Variants in LIN54 observed in about 807,000 individuals in gnomAD.
LIN54 encodes lin-54 DREAM MuvB core complex component.
A neutral mutation model predicts 78.7 loss-of-function variants in LIN54; 9 were observed. That is an observed-to-expected ratio of 0.11 (90% CI 0.07 to 0.20). The LOEUF (loss-of-function observed/expected upper bound fraction) is 0.20, where lower values mean the gene tolerates loss of function less well. Among genes scored for constraint, LIN54 ranks in the 10% least tolerant of loss-of-function variants. The probability of loss-of-function intolerance (pLI) is 1.00; values close to 1 mark genes in which losing one functional copy is unlikely to be tolerated. For missense variants in LIN54, 573 were observed against 889.9 expected (o/e 0.64, Z 4.53); for synonymous variants, 269 against 318.4 (o/e 0.84, Z 1.65).
intron 1 of LIN54, among the ~76,000 whole-genome samples, chr4:83,002,309 G>A (rs940661702): frequency 6.6e-6 from 1 of 151,674 alleles, no homozygotes; most frequent in Non-Finnish European, 1.5e-5. Flanking sequence ...ACTGAGGCAT[G>A]AGGATCGCCT....
At chr4:82,947,815 A>T (rs1225039476) in intron 4 of LIN54, among the ~76,000 whole-genome samples, 1 of 152,172 alleles carries the variant, frequency 6.6e-6, no homozygotes, top group Non-Finnish European at 1.5e-5. Context: ...CACCTACTCT[A>T]TAAAAAGCTC....
intron 3 of LIN54, among the ~76,000 whole-genome samples, chr4:82,974,794 G>A (rs965570411): frequency 6.6e-6 from 1 of 151,574 alleles, no homozygotes; most frequent in Non-Finnish European, 1.5e-5. Flanking sequence ...GGGAGGCACA[G>A]GTTGCAGTGA....
chr4:82,943,327 CCTT>C (rs145549202), intron 5 of LIN54, among the ~76,000 whole-genome samples: 1 of 152,182 alleles, frequency 6.6e-6, no homozygotes, highest in African/African-American at 2.4e-5. Context: ...TTTCCTGAGT[CCTT>C]CTACTATTCT....
chr4:82,994,660 G>A (rs536115804), intron 1 of LIN54, among the ~76,000 whole-genome samples: 6 of 151,738 alleles, frequency 4.0e-5, no homozygotes, highest in Admixed American at 6.6e-5. Flanking sequence ...TTGGCCTCCC[G>A]AAGTGCTGGG....
intron 3 of LIN54, among the ~76,000 whole-genome samples, chr4:82,977,159 A>C (rs1726231190): frequency 1.3e-5 from 2 of 152,270 alleles, no homozygotes; most frequent in South Asian, 4.1e-4. Context: ...CATTAACTAA[A>C]ACTTTTCAGG....
At position 82,928,243 on chromosome 4, in the gene LIN54, G is replaced by A. The variant is rs1721648626; in HGVS notation, c.2109C>T (p.Ala703=). The A allele has an allele frequency of 6.2e-7, 1 of 1,614,082 alleles. No individual in the cohort carries two copies. The highest frequency in any genetic ancestry group is 1.1e-5 in the South Asian group (1 of 91,092). ...CCTTCTTGTCTGCCTGCTCTGCCTGGGCAAGGAGGCAATTACATGTGGCTT... is the reference window on the plus strand; with the variant it reads ...CCTTCTTGTCTGCCTGCTCTGCCTGAGCAAGGAGGCAATTACATGTGGCTT... ...VAEATCNCLL[A]QAEQADKKGK... The change falls in exon 13 of 13, where the codon GCC becomes GCT. Residue 703 remains alanine (A), a synonymous_variant. Transcript: ENST00000340417.
rs746031907 is a variant in LIN54, at chr4:82,939,926, A to T, written c.1205T>A (p.Met402Lys). ...CTGAGCTGAGACAATTGGAACTGAC[A>T]TCCGCACTGGGGTTGTATTAACAAC... ...PVVVNTTPVR[M>K]SVPIVSAQAV... Residue 402 changes from methionine to lysine, a missense_variant, in exon 6 of 13, where the codon ATG becomes AAG. Around this residue, in one of 6 missense-constraint regions of LIN54, gnomAD observed 199 missense variants for 260.9 expected, o/e 0.76. Coordinates refer to ENST00000340417, the MANE Select transcript of LIN54 (RefSeq NM_194282.4). 1 of 1,612,204 alleles carries T rather than the reference A, an allele frequency of 6.2e-7. No individual in the cohort carries two copies. The highest frequency in any genetic ancestry group is 8.5e-7 in the Non-Finnish European group (1 of 1,179,476).
intron 4 of LIN54, among the ~76,000 whole-genome samples, chr4:82,955,657 T>C (rs1342561190): frequency 6.6e-6 from 1 of 151,860 alleles, no homozygotes; most frequent in Admixed American, 6.6e-5. Flanking sequence ...TGGTGGCTCA[T>C]GCCTGTAATC....
intron 1 of LIN54, among the ~76,000 whole-genome samples, chr4:83,006,048 G>A (rs1021962053): frequency 2.0e-4 from 30 of 152,182 alleles, no homozygotes; most frequent in African/African-American, 6.0e-4. Context: ...ACTAAATACC[G>A]CATATTCTCA....
chr4:82,983,929 T>C (rs1726898765), intron 2 of LIN54, among the ~76,000 whole-genome samples: 1 of 152,212 alleles, frequency 6.6e-6, no homozygotes, highest in African/African-American at 2.4e-5. Flanking sequence ...GCTATAAATA[T>C]ACTAATTTGG....
chr4:83,008,751 A>G (rs563188654), intron 1 of LIN54, among the ~76,000 whole-genome samples: 1 of 152,224 alleles, frequency 6.6e-6, no homozygotes, highest in South Asian at 2.1e-4. Flanking sequence ...CTCTGGTGGT[A>G]TAATTCTTGC....
At chr4:82,971,853 C>T (rs1339304326) in intron 3 of LIN54, among the ~76,000 whole-genome samples, 2 of 152,028 alleles carry the variant, frequency 1.3e-5, no homozygotes, top group Non-Finnish European at 2.9e-5. Context: ...AGATTGATAA[C>T]TAAATTATCT....
In LIN54 at chr4:82,939,682, G is replaced by C. The variant is rs1264581330; in HGVS notation, c.1297C>G (p.Gln433Glu). The change falls in exon 7 of 13, where the codon CAG (glutamine) becomes GAG (glutamate). Residue 433 changes from glutamine (Q) to glutamate (E), a missense_variant. Gln to Glu is a conservative substitution (Grantham distance 29). Around this residue, in one of 6 missense-constraint regions of LIN54, gnomAD observed 199 missense variants for 260.9 expected, o/e 0.76. Transcript: ENST00000340417. The part of the protein sequence containing the change: ...TSQIVTTSQP[Q>E]QRLIMPATPL... ...GTGGCAGGCATGATAAGCCGTTGCT[G>C]TGGCTGGCTAGTAGTTACTATTTGT... 1 of 1,614,018 alleles carries C rather than the reference G, an allele frequency of 6.2e-7. No homozygotes were observed. The highest frequency in any genetic ancestry group is 1.7e-5 in the Admixed American group (1 of 60,006).
chr4:83,011,161 C>G (rs1207208329), upstream of LIN54, among the ~76,000 whole-genome samples: 1 of 152,228 alleles, frequency 6.6e-6, no homozygotes, highest in Non-Finnish European at 1.5e-5. Context: ...GCGTTTCATT[C>G]ACTGTGGCTA....
chr4:82,984,221 T>C lies in LIN54; in HGVS notation c.624A>G (p.Gln208=), dbSNP rs752246180. The C allele has an allele frequency of 2.5e-6, 4 of 1,614,160 alleles. No homozygotes were observed. Among genetic ancestry groups the C allele is most frequent in the Non-Finnish European group, 2.5e-6 (3 of 1,180,016 alleles). Residue 208 remains glutamine (Q), a synonymous_variant, in exon 2 of 13, where the codon CAA becomes CAG. Coordinates refer to ENST00000340417, the MANE Select transcript of LIN54 (RefSeq NM_194282.4). ...IGVSALTPGS[Q]LINTTTQPSV... ...AGGGCTGAGTTGTAGTATTAATCAG[T>C]TGACTTCCTGGGGTCAATGCTGAGA...
chr4:82,992,831 A>G lies in LIN54; in HGVS notation c.-32-7955T>C, dbSNP rs572460176. 5.1e-3 allele frequency among the ~76,000 whole-genome samples: 780 copies of G among 151,640 alleles called. 6 individuals are homozygous for G. Among genetic ancestry groups the G allele is most frequent in the Non-Finnish European group, 7.3e-3 (492 of 67,662 alleles). On this transcript the variant is annotated intron_variant, in intron 1 of 12. Transcript: ENST00000340417. Reference sequence around the variant, plus strand: ...ATCACGAGGTCAGGAGATTGAGACCATCCTGGTTAACACGGTGAAACCCCG... The same window carrying G: ...ATCACGAGGTCAGGAGATTGAGACCGTCCTGGTTAACACGGTGAAACCCCG...
intron 3 of LIN54, among the ~76,000 whole-genome samples, chr4:82,972,125 G>A (rs1725710227): frequency 6.6e-6 from 1 of 152,158 alleles, no homozygotes; most frequent in Non-Finnish European, 1.5e-5. Flanking sequence ...CGTGATCATA[G>A]CTCACTGCAG....
In LIN54 at chr4:82,967,174, C is replaced by T. The variant is rs1301142735; in HGVS notation, c.951+3153G>A. Among the ~76,000 whole-genome samples the T allele has an allele frequency of 3.3e-5, 5 of 149,340 alleles. No individual in the cohort carries two copies. In the East Asian group the frequency reaches 5.9e-4, roughly 18 times the overall value. On this transcript the variant is annotated intron_variant, in intron 4 of 12. Coordinates refer to ENST00000340417, the MANE Select transcript of LIN54 (RefSeq NM_194282.4). The stretch of plus-strand genomic sequence containing the variant: ...CCAGGAGGTGGAGGTTGCAGTGAGC[C>T]GAGATGGCGCCACTGCACTCCAGCC...
chr4:83,010,904 C>T, upstream of LIN54: 1 of 1,089,912 alleles, frequency 9.2e-7, no homozygotes, highest in Non-Finnish European at 1.2e-6. Context: ...AAGCCTCCCG[C>T]CGCCCCGCCA....
Sources: gnomAD v4.1 joint callset for allele counts (sites outside exome capture counted in the v4.1 genomes callset) on GRCh38, gnomAD v4.1.1 for gene constraint, gnomAD v4.1.1 regional missense constraint, MANE v1.5 for transcripts, NCBI Gene and HGNC (gene_info 2026-07-23, HGNC 2026-07-21) for gene names.